FMNL2: variants seen among roughly 807,000 people sequenced by gnomAD.
The protein encoded by FMNL2 is formin-like protein 2.
A neutral mutation model predicts 130.2 loss-of-function variants in FMNL2; 51 were observed. That is an observed-to-expected ratio of 0.39 (90% CI 0.31 to 0.49). The LOEUF (loss-of-function observed/expected upper bound fraction) is 0.49. Ranked by LOEUF, FMNL2 falls within the 20% of genes least tolerant of loss-of-function variation. FMNL2 has a pLI of 0.85. For synonymous variants in FMNL2, 465 were observed against 467.1 expected (o/e 1.00, Z 0.06); for missense variants, 977 against 1,316.2 (o/e 0.74, Z 3.99).
chr2:152,381,199 T>C (rs1192629547), intron 1 of FMNL2, among the ~76,000 whole-genome samples: 2 of 152,226 alleles, frequency 1.3e-5, no homozygotes, highest in East Asian at 1.9e-4. Flanking sequence ...TATTTAAGCA[T>C]GTGAGACTGG....
intron 2 of FMNL2, among the ~76,000 whole-genome samples, chr2:152,536,798 C>T (rs781031042): frequency 1.3e-5 from 2 of 152,136 alleles, no homozygotes; most frequent in Non-Finnish European, 2.9e-5. Context: ...CCTTAAGCCT[C>T]AGAATATGAA....
At chr2:152,643,313 C>A in intron 25 of FMNL2, 1 of 1,470,482 alleles carries the variant, frequency 6.8e-7, no homozygotes, top group Non-Finnish European at 9.1e-7. Flanking sequence ...TTCCCCACCC[C>A]CATCCCCAGG....
chr2:152,643,302 C>A, intron 25 of FMNL2: 1 of 1,415,016 alleles, frequency 7.1e-7, no homozygotes, highest in African/African-American at 1.4e-5. Flanking sequence ...TCCTGCCCAT[C>A]TTCCCCACCC....
At chr2:152,516,386 C>T (rs1417148999) in intron 1 of FMNL2, among the ~76,000 whole-genome samples, 1 of 152,090 alleles carries the variant, frequency 6.6e-6, no homozygotes, top group African/African-American at 2.4e-5. Context: ...TTTAAGAGCT[C>T]TAAAAGATTG....
intron 18 of FMNL2, 122 bp from the exon 19 acceptor site, chr2:152,629,534 C>A: frequency 1.2e-6 from 1 of 826,796 alleles, no homozygotes; most frequent in Non-Finnish European, 1.9e-6. Context: ...AGACTCTCAC[C>A]ATGAAGCCTG....
chr2:152,601,295 T>C lies in FMNL2; in HGVS notation c.877-6044T>C, dbSNP rs557107216. ...CCTGATGGCTTTCTTTCTTTTCTTTTCTTTTTTCTTTTTTTTTTTTTTTGA... is the reference window on the plus strand; with the variant it reads ...CCTGATGGCTTTCTTTCTTTTCTTTCCTTTTTTCTTTTTTTTTTTTTTTGA... On this transcript the variant is annotated intron_variant, in intron 9 of 25. Coordinates refer to ENST00000288670, the MANE Select transcript of FMNL2 (RefSeq NM_052905.4). Among the ~76,000 whole-genome samples, 11 of 92,584 alleles carry C rather than the reference T, an allele frequency of 1.2e-4. No individual in the cohort carries two copies. The East Asian group carries it at 4.3e-3, about 37-fold the overall frequency. The allele number at this position is 92,584 out of a possible 152,430, so 60.7% of individuals were successfully genotyped here.
At chr2:152,399,651 TG>T (rs1685580848) in intron 1 of FMNL2, among the ~76,000 whole-genome samples, 1 of 152,252 alleles carries the variant, frequency 6.6e-6, no homozygotes, top group African/African-American at 2.4e-5. Flanking sequence ...ATCTGCCATT[TG>T]TATGGGGATG....
chr2:152,370,327 T>C (rs1683802908), intron 1 of FMNL2, among the ~76,000 whole-genome samples: 1 of 152,194 alleles, frequency 6.6e-6, no homozygotes, highest in Non-Finnish European at 1.5e-5. Flanking sequence ...TCTCTTTTTA[T>C]AAGGGCACTA....
chr2:152,439,079 TTGTGTGTGTGTG>T (rs10539703), intron 1 of FMNL2, among the ~76,000 whole-genome samples: 1 of 144,476 alleles, frequency 6.9e-6, no homozygotes, highest in South Asian at 2.3e-4. Context: ...TTCAGTTTAA[TTGTGTGTGTGTG>T]TGTGTGTGTG....
chr2:152,636,780 T>G (rs1180078156), intron 22 of FMNL2, among the ~76,000 whole-genome samples, 190 bp downstream of exon 22: 2 of 152,104 alleles, frequency 1.3e-5, no homozygotes, highest in African/African-American at 4.8e-5. Context: ...CCGTCCTCAT[T>G]GTCCTTTTCT....
intron 1 of FMNL2, among the ~76,000 whole-genome samples, chr2:152,492,064 A>G (rs968623457): frequency 2.6e-5 from 4 of 151,994 alleles, no homozygotes; most frequent in African/African-American, 9.6e-5. Flanking sequence ...TTGTAAAAAT[A>G]AAAAGTACTG....
At chr2:152,639,017 G>T (rs1047917282) in intron 23 of FMNL2, among the ~76,000 whole-genome samples, 1 of 150,570 alleles carries the variant, frequency 6.6e-6, no homozygotes, top group African/African-American at 2.4e-5. Flanking sequence ...GTCCCAGCCT[G>T]TCCATCAGCG....
Position 152,628,525 on chromosome 2 carries a change from C to T in FMNL2, c.2392C>T (p.Leu798=), listed in dbSNP as rs756097290. 3 of 1,613,624 alleles carry T rather than the reference C, an allele frequency of 1.9e-6. No homozygotes were observed. In the Admixed American group the frequency reaches 5.0e-5, roughly 27 times the overall value. Residue 798 remains leucine, a synonymous_variant, in exon 18 of 26, where the codon CTG becomes TTG. Transcript: ENST00000288670. The part of the protein sequence containing the change: ...IGNFAESIQM[L]TPQLHAIIAA... ...GAACTTTGCTGAAAGCATTCAGATGCTGACTCCTGTGAGTGGACTGACTCT... is the reference window on the plus strand; with the variant it reads ...GAACTTTGCTGAAAGCATTCAGATGTTGACTCCTGTGAGTGGACTGACTCT...
chr2:152,454,756 T>C (rs1175763670), intron 1 of FMNL2, among the ~76,000 whole-genome samples: 4 of 152,182 alleles, frequency 2.6e-5, no homozygotes, highest in African/African-American at 9.6e-5. Context: ...TTCATCAGCA[T>C]ACAAGAGGAA....
At chr2:152,551,819 C>T (rs990362085) in intron 4 of FMNL2, among the ~76,000 whole-genome samples, 1 of 152,108 alleles carries the variant, frequency 6.6e-6, no homozygotes, top group South Asian at 2.1e-4. Context: ...AGTTTGAGAC[C>T]AGCTTGGGTA....
chr2:152,541,254 T>G (rs1247735216), intron 2 of FMNL2, among the ~76,000 whole-genome samples: 1 of 152,138 alleles, frequency 6.6e-6, no homozygotes. Context: ...CCTCCCAGGC[T>G]CAGGTGGTTC....
chr2:152,440,837 A>G (rs1233192152), intron 1 of FMNL2, among the ~76,000 whole-genome samples: 1 of 152,216 alleles, frequency 6.6e-6, no homozygotes, highest in Non-Finnish European at 1.5e-5. Flanking sequence ...TGATGAAAAC[A>G]CTACTTATGA....
intron 1 of FMNL2, among the ~76,000 whole-genome samples, chr2:152,395,327 A>G (rs920621085): frequency 1.3e-5 from 2 of 152,244 alleles, no homozygotes; most frequent in African/African-American, 4.8e-5. Flanking sequence ...TACAGAAAGT[A>G]CAGCTTGCCA....
intron 1 of FMNL2, among the ~76,000 whole-genome samples, chr2:152,516,900 A>G (rs192350170): frequency 6.6e-6 from 1 of 152,278 alleles, no homozygotes; most frequent in Admixed American, 6.5e-5. Flanking sequence ...GAATTTTGGG[A>G]TATTCTATTT....
Sources: allele counts gnomAD v4.1 joint callset (sites outside exome capture counted in the v4.1 genomes callset), GRCh38; gene constraint gnomAD v4.1.1; transcripts MANE v1.5; gene names NCBI Gene and HGNC (gene_info 2026-07-23, HGNC 2026-07-21).